The following ZPLD1 variants were observed in gnomAD, a reference collection of about 807,000 sequenced individuals.
The protein encoded by ZPLD1 is zona pellucida like domain containing 1, also known as zona pellucida-like domain-containing protein 1.
A neutral mutation model predicts 47.2 loss-of-function variants in ZPLD1; 34 were observed. The observed-to-expected ratio is 0.72, with a 90% CI of 0.55 to 0.96. The LOEUF is 0.96. Ranked by LOEUF, ZPLD1 falls within the 40% of genes least tolerant of loss-of-function variation. The pLI, the probability that ZPLD1 is intolerant of heterozygous loss-of-function variation, is 0.00. For synonymous variants in ZPLD1, 176 were observed against 186.2 expected (o/e 0.95, Z 0.45); for missense variants, 512 against 505.8 (o/e 1.01, Z -0.12).
chr3:102,396,525 G>A (rs987361576), intron 7 of ZPLD1, among the ~76,000 whole-genome samples: 3 of 152,104 alleles, frequency 2.0e-5, no homozygotes, highest in Admixed American at 1.3e-4. Context: ...AATACATCCT[G>A]ATTTTTAGCT....
intron 8 of ZPLD1, among the ~76,000 whole-genome samples, chr3:102,425,622 C>T (rs557071190): frequency 6.6e-6 from 1 of 152,138 alleles, no homozygotes; most frequent in African/African-American, 2.4e-5. Context: ...TCCCAAAGAA[C>T]ATTTTGGTTA....
chr3:102,415,747 G>A (rs1322566371), intron 7 of ZPLD1, among the ~76,000 whole-genome samples: 1 of 151,682 alleles, frequency 6.6e-6, no homozygotes, highest in South Asian at 2.1e-4. Context: ...TGACAAGGAG[G>A]GCTTTTTACT....
At chr3:102,435,835 T>C (rs1381083044) in intron 1 of ZPLD1, among the ~76,000 whole-genome samples, 2 of 152,054 alleles carry the variant, frequency 1.3e-5, no homozygotes, top group African/African-American at 4.8e-5. Flanking sequence ...CTAGAGACGG[T>C]GTTTCACCGT....
At chr3:102,453,243 T>A in intron 4 of ZPLD1, 104 bp downstream of exon 4, 3 of 1,046,712 alleles carry the variant, frequency 2.9e-6, no homozygotes, top group Non-Finnish European at 4.2e-6. Context: ...AGAAAAAAAA[T>A]AAAATTGAAC....
At chr3:102,470,802 G>A (rs1224049344) in intron 10 of ZPLD1, among the ~76,000 whole-genome samples, 1 of 151,520 alleles carries the variant, frequency 6.6e-6, no homozygotes, top group African/African-American at 2.4e-5. Context: ...TATTTGAGAC[G>A]GAGTGTCTCT....
chr3:102,444,903 T>C (rs1381549204), intron 3 of ZPLD1, among the ~76,000 whole-genome samples: 2 of 152,168 alleles, frequency 1.3e-5, no homozygotes, highest in Non-Finnish European at 2.9e-5. Context: ...GTACAGAGCC[T>C]CCTGCCTGCT....
chr3:102,421,429 A>T (rs1706878724), intron 8 of ZPLD1, among the ~76,000 whole-genome samples: 1 of 151,902 alleles, frequency 6.6e-6, no homozygotes, highest in African/African-American at 2.4e-5. Context: ...AAAACTACTC[A>T]TCTTTTAGAG....
chr3:102,431,101 G>A (rs1707010828), upstream of ZPLD1, among the ~76,000 whole-genome samples: 2 of 152,130 alleles, frequency 1.3e-5, no homozygotes, highest in Non-Finnish European at 2.9e-5. Flanking sequence ...TACAATAAAT[G>A]TTCTAAACTA....
intron 8 of ZPLD1, 82 bp downstream of exon 8, chr3:102,464,333 A>C: frequency 9.8e-7 from 1 of 1,015,972 alleles, no homozygotes; most frequent in African/African-American, 1.6e-5. Context: ...AAGTCAGATA[A>C]ATTATAAAGC....
chr3:102,448,236 G>C (rs181003274), intron 3 of ZPLD1, among the ~76,000 whole-genome samples: 3 of 152,272 alleles, frequency 2.0e-5, no homozygotes, highest in South Asian at 2.1e-4. Context: ...CCTGCCATTT[G>C]ACATACTTAG....
rs751315142 is a variant in ZPLD1 at position 102,469,138 on chromosome 3, A to G, written c.933+3A>G. The stretch of plus-strand genomic sequence containing the variant: ...ATGACTGCCCCTTCCTTATGCCGGT[A>G]TGTTTTTAAGGAACTTCATTTTAAG... On this transcript the variant is annotated splice_donor_region_variant and intron_variant, in intron 9 of 11. Coordinates refer to ENST00000466937, the MANE Select transcript of ZPLD1 (RefSeq NM_001329788.2). 6.2e-7 allele frequency: 1 copy of G among 1,605,646 alleles called. No individual in the cohort carries two copies. The highest frequency in any genetic ancestry group is 2.2e-5 in the East Asian group (1 of 44,744).
chr3:102,387,495 A>C (rs1316923155), intron 6 of ZPLD1, among the ~76,000 whole-genome samples: 1 of 152,154 alleles, frequency 6.6e-6, no homozygotes, highest in Non-Finnish European at 1.5e-5. Context: ...TTTGTCAGAG[A>C]CCACTACACT....
chr3:102,436,655 G>T (rs1205894581), intron 1 of ZPLD1, among the ~76,000 whole-genome samples: 1 of 152,198 alleles, frequency 6.6e-6, no homozygotes, highest in Non-Finnish European at 1.5e-5. Flanking sequence ...TGTACATGCA[G>T]TAATAATTGT....
intron 8 of ZPLD1, among the ~76,000 whole-genome samples, chr3:102,468,637 G>GA (rs1707634162): frequency 6.6e-6 from 1 of 152,172 alleles, no homozygotes; most frequent in Non-Finnish European, 1.5e-5. Context: ...GAAAATAAAT[G>GA]AAAATAAATG....
intron 3 of ZPLD1, among the ~76,000 whole-genome samples, chr3:102,442,897 A>C (rs1198405661): frequency 6.6e-6 from 1 of 152,230 alleles, no homozygotes; most frequent in Non-Finnish European, 1.5e-5. Context: ...CCAAGCTAAT[A>C]GCAAAAAGCA....
chr3:102,387,970 C>G (rs565957389), intron 6 of ZPLD1, among the ~76,000 whole-genome samples: 1 of 150,024 alleles, frequency 6.7e-6, no homozygotes, highest in Admixed American at 6.7e-5. Context: ...ACGCCATTCT[C>G]CTGCCTCAGC....
intron 8 of ZPLD1, among the ~76,000 whole-genome samples, chr3:102,423,539 CATA>C (rs1356892023): frequency 6.6e-6 from 1 of 151,988 alleles, no homozygotes; most frequent in Admixed American, 6.6e-5. Flanking sequence ...ATTTTGGCTC[CATA>C]ATGATTTTTA....
At chr3:102,446,952 G>A (rs1014579660) in intron 3 of ZPLD1, among the ~76,000 whole-genome samples, 1 of 152,184 alleles carries the variant, frequency 6.6e-6, no homozygotes, top group Non-Finnish European at 1.5e-5. Context: ...CCTGAAACAC[G>A]TTGTTGATAT....
intron 3 of ZPLD1, among the ~76,000 whole-genome samples, chr3:102,440,530 C>A (rs1237832379): frequency 6.6e-6 from 1 of 151,974 alleles, no homozygotes; most frequent in Non-Finnish European, 1.5e-5. Context: ...AAATGATGGG[C>A]TTGAGGCATT....
Sources: gnomAD v4.1 joint callset for allele counts (sites outside exome capture counted in the v4.1 genomes callset) on GRCh38, gnomAD v4.1.1 for gene constraint, MANE v1.5 for transcripts, NCBI Gene and HGNC (gene_info 2026-07-23, HGNC 2026-07-21) for gene names.